AXDND1: variants seen among roughly 807,000 people sequenced by gnomAD.
The protein encoded by AXDND1 is axonemal dynein light chain domain containing 1, also known as axonemal dynein light chain domain-containing protein 1.
Under a neutral mutation model 137.5 loss-of-function variants are expected in AXDND1, and 110 were observed. The observed-to-expected ratio is 0.80, with a 90% CI of 0.69 to 0.94. The LOEUF is 0.94. Among genes scored for constraint, AXDND1 ranks in the 40% least tolerant of loss-of-function variants. The pLI, the probability that AXDND1 is intolerant of heterozygous loss-of-function variation, is 0.00. For synonymous variants in AXDND1, 414 were observed against 399.7 expected, an observed-to-expected ratio of 1.04 and a Z score of -0.43; for missense variants, 1,191 against 1,169.8, an observed-to-expected ratio of 1.02 and a Z score of -0.26.
chr1:179,534,265 G>A (rs1351745306), intron 24 of AXDND1, among the ~76,000 whole-genome samples: 1 of 152,192 alleles, frequency 6.6e-6, no homozygotes, highest in Non-Finnish European at 1.5e-5. Context: ...GGGGATGCCA[G>A]GAGAAGAGCG....
chr1:179,401,894 C>T (rs1652132108), intron 11 of AXDND1, among the ~76,000 whole-genome samples: 5 of 152,050 alleles, frequency 3.3e-5, no homozygotes, highest in African/African-American at 9.7e-5. Context: ...AGTCTCGGGG[C>T]CGGGCAAGGT....
chr1:179,423,951 C>T (rs1656167179), intron 12 of AXDND1, among the ~76,000 whole-genome samples: 1 of 132,236 alleles, frequency 7.6e-6, no homozygotes, highest in Admixed American at 7.4e-5. Context: ...GGTTTTATAG[C>T]TTCAAAGTTT....
intron 23 of AXDND1, 34 bp from the exon 24 acceptor site, chr1:179,533,761 T>C: frequency 6.8e-7 from 1 of 1,479,252 alleles, no homozygotes; most frequent in South Asian, 1.1e-5. Context: ...GTTGAGACTG[T>C]CAGTTCATTC....
chr1:179,517,485 A>G (rs902793920), intron 21 of AXDND1, among the ~76,000 whole-genome samples: 2 of 152,182 alleles, frequency 1.3e-5, no homozygotes, highest in African/African-American at 4.8e-5. Context: ...GCCCGATTCA[A>G]ATTGTTACAA....
At chr1:179,420,459 T>C (rs1158515182) in intron 12 of AXDND1, among the ~76,000 whole-genome samples, 1 of 152,182 alleles carries the variant, frequency 6.6e-6, no homozygotes, top group Non-Finnish European at 1.5e-5. Flanking sequence ...CTTATGAGTT[T>C]GGAAGTATTC....
chr1:179,491,969 A>C (rs565571372), intron 19 of AXDND1, among the ~76,000 whole-genome samples: 87 of 152,340 alleles, frequency 5.7e-4, no homozygotes, highest in African/African-American at 2.0e-3. Flanking sequence ...GGGAGTAAGA[A>C]TTAGGAAAAA....
intron 15 of AXDND1, among the ~76,000 whole-genome samples, chr1:179,442,960 C>T (rs375196666): frequency 4.6e-4 from 70 of 152,190 alleles, no homozygotes; most frequent in African/African-American, 1.6e-3. Context: ...ACACAGCGCT[C>T]CATATGTATT....
intron 15 of AXDND1, among the ~76,000 whole-genome samples, chr1:179,437,820 C>G (rs1364028056): frequency 3.3e-5 from 5 of 152,090 alleles, no homozygotes; most frequent in Admixed American, 2.0e-4. Context: ...TTGAGTTTAC[C>G]TATTTAAATC....
At chr1:179,403,457 T>A (rs1652420671) in intron 11 of AXDND1, among the ~76,000 whole-genome samples, 1 of 152,226 alleles carries the variant, frequency 6.6e-6, no homozygotes, top group Non-Finnish European at 1.5e-5. Context: ...TTATTCAAGG[T>A]TTATGTTACT....
In AXDND1 at chr1:179,509,684, GT is replaced by G. The variant is rs555815930; in HGVS notation, c.2496+283del. 4.0e-3 allele frequency among the ~76,000 whole-genome samples: 604 copies of G among 152,274 alleles called. 4 individuals carry two copies. The highest frequency in any genetic ancestry group is 0.014 in the African/African-American group (575 of 41,552). ...GCCACTTCCTGAGGCATATCCTCAG[GT>G]TCATCTGCTTCTGTGCTCACCCTTT... is the stretch of plus-strand genomic sequence containing the variant. On this transcript the variant is annotated intron_variant, in intron 21 of 25. Transcript: ENST00000367618.
At chr1:179,374,526 A>G (rs534561097) in intron 4 of AXDND1, among the ~76,000 whole-genome samples, 1 of 152,278 alleles carries the variant, frequency 6.6e-6, no homozygotes, top group South Asian at 2.1e-4. Flanking sequence ...ACATGCACAC[A>G]TATGTTTATT....
chr1:179,389,612 C>T (rs1649811816), intron 9 of AXDND1, among the ~76,000 whole-genome samples: 1 of 152,174 alleles, frequency 6.6e-6, no homozygotes, highest in Admixed American at 6.5e-5. Context: ...CCATCCTGAC[C>T]TTGGGTTTGC....
At chr1:179,438,818 T>G (rs745689300) in intron 15 of AXDND1, among the ~76,000 whole-genome samples, 1 of 152,248 alleles carries the variant, frequency 6.6e-6, no homozygotes, top group African/African-American at 2.4e-5. Context: ...AAAAAGCGAC[T>G]GTGTCGCTTA....
intron 16 of AXDND1, chr1:179,457,169 C>A: frequency 1.3e-6 from 1 of 784,050 alleles, no homozygotes. Flanking sequence ...AAACCCAAAG[C>A]CCCTGGAGTG....
At chr1:179,506,790 G>A (rs1253148229) in intron 20 of AXDND1, 1 of 898,786 alleles carries the variant, frequency 1.1e-6, no homozygotes, top group Non-Finnish European at 1.3e-6. Context: ...TGTGTAGTCT[G>A]CCATCCACCT....
At chr1:179,445,281 T>C in intron 16 of AXDND1, 77 bp downstream of exon 16, 1 of 1,056,752 alleles carries the variant, frequency 9.5e-7, no homozygotes, top group Non-Finnish European at 1.3e-6. Context: ...ACAATGAATA[T>C]TTAAAATAAA....
chr1:179,552,657 C>G (rs1673472596), intron 25 of AXDND1: 1 of 1,613,810 alleles, frequency 6.2e-7, no homozygotes, highest in Non-Finnish European at 8.5e-7. Flanking sequence ...AGTGCTGAAG[C>G]CCAGCTGGCA....
At chr1:179,476,645 T>G (rs1049913931) in intron 17 of AXDND1, among the ~76,000 whole-genome samples, 1 of 152,186 alleles carries the variant, frequency 6.6e-6, no homozygotes, top group African/African-American at 2.4e-5. Context: ...TTGACATTTT[T>G]TTCTTCTTTA....
chr1:179,419,612 G>A (rs1318204182), intron 12 of AXDND1, among the ~76,000 whole-genome samples: 1 of 128,896 alleles, frequency 7.8e-6, no homozygotes, highest in African/African-American at 2.9e-5. Context: ...TGGAAAGAGA[G>A]GGAGAGGGAG....
Sources: gnomAD v4.1 joint callset for allele counts (sites outside exome capture counted in the v4.1 genomes callset) on GRCh38, gnomAD v4.1.1 for gene constraint, MANE v1.5 for transcripts, NCBI Gene and HGNC (gene_info 2026-07-23, HGNC 2026-07-21) for gene names.